The following ST6GALNAC1 variants were observed in gnomAD, a reference collection of about 807,000 sequenced individuals.
The protein encoded by ST6GALNAC1 is alpha-N-acetylgalactosaminide alpha-2,6-sialyltransferase 1.
A neutral mutation model predicts 56.8 loss-of-function variants in ST6GALNAC1; 45 were observed. That is an observed-to-expected ratio of 0.79 (90% CI 0.62 to 1.02). The LOEUF is 1.02. ST6GALNAC1 is among the 50% of genes least tolerant of loss of function. The pLI, the probability that ST6GALNAC1 is intolerant of heterozygous loss-of-function variation, is 0.00. For missense variants in ST6GALNAC1, 743 were observed against 754.8 expected, an observed-to-expected ratio of 0.98 and a Z score of 0.18; for synonymous variants, 295 against 297.8, an observed-to-expected ratio of 0.99 and a Z score of 0.10.
chr17:76,620,841 C>A (rs1252769703), downstream of ST6GALNAC1, among the ~76,000 whole-genome samples: 2 of 151,728 alleles, frequency 1.3e-5, no homozygotes, highest in African/African-American at 4.8e-5. Context: ...GTGATCCACC[C>A]GCCTCGGCCT....
chr17:76,633,348 TA>T (rs1207253524), intron 1 of ST6GALNAC1, among the ~76,000 whole-genome samples: 1 of 151,908 alleles, frequency 6.6e-6, no homozygotes, highest in African/African-American at 2.4e-5. Flanking sequence ...CCATCTCTAC[TA>T]AAAATACAAA....
In ST6GALNAC1 at chr17:76,624,927, GAAGTT is replaced by G. The variant is rs1426976780; in HGVS notation, c.*398_*402del. ...AAAGGTCTTCTAGACAATCTGTAGT[GAAGTT>G]AAGTAATACCTTCAAGATTTCACAA... On this transcript the variant is annotated 3_prime_UTR_variant, in exon 9 of 9. Coordinates refer to ENST00000156626, the MANE Select transcript of ST6GALNAC1 (RefSeq NM_018414.5). 1 of 229,698 alleles carries G rather than the reference GAAGTT, an allele frequency of 4.4e-6. No individual in the cohort carries two copies. The highest frequency in any genetic ancestry group is 6.9e-5 in the South Asian group (1 of 14,540). 14.2% of individuals were successfully genotyped at this position (229,698 alleles called of 1,614,324 possible).
At position 76,643,549 on chromosome 17, in the gene ST6GALNAC1, G is replaced by A. The variant is rs1267868728; in HGVS notation, c.90C>T (p.Ala30=). 6.2e-7 allele frequency: 1 copy of A among 1,614,032 alleles called. No homozygotes were observed. Among genetic ancestry groups the A allele is most frequent in the Non-Finnish European group, 8.5e-7 (1 of 1,180,002 alleles). The part of the protein sequence containing the change: ...LLAVLVFFLF[A]LPSFIKEPQT... ...GAGGCTCCTTAATAAAAGAGGGCAA[G>A]GCGAAGAGAAAGAAGACCAGGACAG... The change falls in exon 1 of 9, where the codon GCC becomes GCT. Residue 30 remains alanine, a synonymous_variant. Transcript: ENST00000156626.
At chr17:76,639,238 A>G (rs1306228733) in intron 1 of ST6GALNAC1, among the ~76,000 whole-genome samples, 2 of 152,108 alleles carry the variant, frequency 1.3e-5, no homozygotes, top group Non-Finnish European at 2.9e-5. Context: ...AAGCACCTCC[A>G]CTGGGTCCAG....
In ST6GALNAC1 at chr17:76,627,222, C is replaced by A; in HGVS notation, c.1017G>T (p.Val339=). 6.4e-7 allele frequency: 1 copy of A among 1,574,006 alleles called. No individual in the cohort carries two copies. The part of the protein sequence containing the change: ...ELNYSLVQKV[V]TRFPPVPQQQ... ...GCTGGGGCACTGGAGGGAAGCGTGT[C>A]ACGACCTTCTGCACCACTGGAACAA... Residue 339 remains valine, a synonymous_variant, in exon 4 of 9, where the codon GTG becomes GTT. Transcript: ENST00000156626. This position sits in a 1 kb window ranked among gnomAD's most constrained non-coding sequence, Gnocchi z 4.4.
intron 1 of ST6GALNAC1, 129 bp downstream of exon 1, chr17:76,643,379 A>G: frequency 4.0e-6 from 4 of 1,001,196 alleles, no homozygotes; most frequent in Middle Eastern, 2.2e-4. Flanking sequence ...TCTTGAGAAC[A>G]CTCCTGACCC....
chr17:76,641,811 G>A (rs1249413320), intron 1 of ST6GALNAC1: 2 of 152,134 alleles, frequency 1.3e-5, no homozygotes, highest in African/African-American at 4.8e-5. Context: ...TACCTACCCT[G>A]TGGAATGCTA....
the ST6GALNAC1 span, among the ~76,000 whole-genome samples, chr17:76,618,040 T>C: frequency 6.6e-6 from 1 of 152,218 alleles, no homozygotes; most frequent in Non-Finnish European, 1.5e-5. Context: ...TTCTCACTGA[T>C]GTGACTTCAA....
intron 1 of ST6GALNAC1, among the ~76,000 whole-genome samples, chr17:76,631,785 C>T (rs1448259405): frequency 6.6e-6 from 1 of 152,050 alleles, no homozygotes; most frequent in African/African-American, 2.4e-5. Context: ...GGGTCTCGGT[C>T]ACATACTACA....
intron 1 of ST6GALNAC1, among the ~76,000 whole-genome samples, chr17:76,642,445 T>G (rs781575933): frequency 6.6e-6 from 1 of 152,194 alleles, no homozygotes; most frequent in African/African-American, 2.4e-5. Context: ...GGCTAGCTCA[T>G]AGTAAATACT....
chr17:76,643,139 G>A (rs992177531), intron 1 of ST6GALNAC1, among the ~76,000 whole-genome samples: 6 of 152,198 alleles, frequency 3.9e-5, no homozygotes, highest in African/African-American at 1.4e-4. Flanking sequence ...GCTTCAGGAC[G>A]TAGAGAATGG....
At chr17:76,626,817 A>G in intron 4 of ST6GALNAC1, 28 bp from the exon 5 acceptor site, 1 of 1,613,424 alleles carries the variant, frequency 6.2e-7, no homozygotes, top group South Asian at 1.1e-5. Flanking sequence ...ATCAGACGGG[A>G]CAGGTGAGCA....
At position 76,627,391 on chromosome 17, in the gene ST6GALNAC1, C is replaced by G. The variant is rs772923868; in HGVS notation, c.1000+24G>C. The G allele has an allele frequency of 6.2e-7, 1 of 1,613,314 alleles. No individual in the cohort carries two copies. The highest frequency in any genetic ancestry group is 8.5e-7 in the Non-Finnish European group (1 of 1,179,626). On this transcript the variant is annotated intron_variant, in intron 3 of 8. Coordinates refer to ENST00000156626, the MANE Select transcript of ST6GALNAC1 (RefSeq NM_018414.5). The surrounding 1 kb of genome is among the most constrained non-coding windows in gnomAD (Gnocchi z 4.4). ...TGCCCCGGCCTACTGCGCACCCACA[C>G]CTTCCCCTGGGTTAAGGACTCACAG... is the stretch of plus-strand genomic sequence containing the variant.
At chr17:76,638,906 T>C (rs1019001786) in intron 1 of ST6GALNAC1, among the ~76,000 whole-genome samples, 1 of 152,152 alleles carries the variant, frequency 6.6e-6, no homozygotes, top group African/African-American at 2.4e-5. Flanking sequence ...GTTCTTCTGC[T>C]ACACTCCTCC....
chr17:76,637,145 GC>G (rs2075985989), intron 1 of ST6GALNAC1, among the ~76,000 whole-genome samples: 1 of 151,636 alleles, frequency 6.6e-6, no homozygotes, highest in African/African-American at 2.4e-5. Flanking sequence ...AGGCCGCAGG[GC>G]CCTCTGCCTA....
chr17:76,626,959 C>A, intron 4 of ST6GALNAC1, 108 bp downstream of exon 4: 1 of 1,455,752 alleles, frequency 6.9e-7, no homozygotes. Context: ...TCCTATGGGT[C>A]TCTCAGAAGA....
At chr17:76,643,445 C>A in intron 1 of ST6GALNAC1, 63 bp downstream of exon 1, 1 of 1,583,994 alleles carries the variant, frequency 6.3e-7, no homozygotes, top group Non-Finnish European at 8.6e-7. Flanking sequence ...CCTCCCTGGG[C>A]TATCATTTTT....
chr17:76,627,133 C>T lies in ST6GALNAC1; in HGVS notation c.1106G>A (p.Gly369Asp), dbSNP rs1478020874. The T allele has an allele frequency of 3.7e-6, 6 of 1,600,786 alleles. No homozygotes were observed. The highest frequency in any genetic ancestry group is 5.1e-6 in the Non-Finnish European group (6 of 1,173,264). Reference sequence around the variant, plus strand: ...GGAGTTGTTCAGGATGCCCCCGTTGCCCACCACGGCACAGGTGATGCACCG... The same window carrying T: ...GGAGTTGTTCAGGATGCCCCCGTTGTCCACCACGGCACAGGTGATGCACCG... ...SLRCITCAVV[G>D]NGGILNNSHM... The change falls in exon 4 of 9, where the codon GGC becomes GAC. Residue 369 changes from glycine (G) to aspartate (D), a missense_variant. Gly to Asp is a moderately conservative substitution (Grantham distance 94, BLOSUM62 -1). Transcript: ENST00000156626. The surrounding 1 kb of genome is among the most constrained non-coding windows in gnomAD (Gnocchi z 4.4).
In ST6GALNAC1 at chr17:76,627,586, A is replaced by G. The variant is rs985623481; in HGVS notation, c.832-3T>C. On this transcript the variant is annotated splice_region_variant and splice_polypyrimidine_tract_variant and intron_variant, in intron 2 of 8. Transcript: ENST00000156626. This position sits in a 1 kb window ranked among gnomAD's most constrained non-coding sequence, Gnocchi z 4.4. ...ATCTTCACAGAGTCAGGGCAAGTCT[A>G]TATACAGGAGGACGAAGTCAGGAAG... The G allele has an allele frequency of 3.1e-6, 5 of 1,613,662 alleles. No individual in the cohort carries two copies. In the African/African-American group the frequency reaches 4.0e-5, roughly 13 times the overall value.
Sources: gnomAD v4.1 joint callset for allele counts (sites outside exome capture counted in the v4.1 genomes callset) on GRCh38, gnomAD v4.1.1 for gene constraint, Gnocchi (gnomAD v3.1) non-coding constraint, MANE v1.5 for transcripts, NCBI Gene and HGNC (gene_info 2026-07-23, HGNC 2026-07-21) for gene names.